Variants in MMP17 observed in about 807,000 individuals in gnomAD.
The protein encoded by MMP17 is matrix metalloproteinase-17.
In MMP17, 54 loss-of-function variants were observed where a neutral mutation model predicts 49.1. The ratio of observed to expected loss-of-function variants is 1.10; its 90% confidence interval spans 0.88 to 1.38. The LOEUF (loss-of-function observed/expected upper bound fraction) is 1.38, where lower values mean the gene tolerates loss of function less well. Ranked by LOEUF, MMP17 falls within the 40% of genes most tolerant of loss-of-function variation. MMP17 has a pLI of 0.00. For synonymous variants in MMP17, 397 were observed against 383.1 expected, an observed-to-expected ratio of 1.04 and a Z score of -0.42; for missense variants, 837 against 853.7, an observed-to-expected ratio of 0.98 and a Z score of 0.24.
At position 131,840,578 on chromosome 12, in the gene MMP17, G is replaced by A. The variant is rs747858318; in HGVS notation, c.428G>A (p.Arg143Gln). ...WNKRNLSWRV[R>Q]TFPRDSPLGH... ...GGGCTGACCCCTGCCTGCAGGGTCC[G>A]GACGTTCCCACGGGACTCACCACTG... The change falls in exon 4 of 10, where the codon CGG becomes CAG. Residue 143 changes from arginine (R) to glutamine (Q), a missense_variant. Physicochemically the swap from Arg to Gln is conservative, Grantham distance 43. Transcript: ENST00000360564. 38 of 1,587,140 alleles carry A rather than the reference G, an allele frequency of 2.4e-5. No homozygotes were observed. The highest frequency in any genetic ancestry group is 4.0e-5 in the African/African-American group (3 of 74,648).
At chr12:131,847,594 C>T (rs1158735049) in intron 8 of MMP17, among the ~76,000 whole-genome samples, 2 of 152,274 alleles carry the variant, frequency 1.3e-5, no homozygotes, top group African/African-American at 4.8e-5. Context: ...CCCTGCCTTG[C>T]ACACATTAGA....
rs145985637 is a variant in MMP17, at chr12:131,847,968, C to T, written c.1205-1834C>T. Among the ~76,000 whole-genome samples, 1,438 of 152,358 alleles carry T rather than the reference C, an allele frequency of 9.4e-3. 28 individuals are homozygous for T. The highest frequency in any genetic ancestry group is 0.031 in the African/African-American group (1,308 of 41,584). On this transcript the variant is annotated intron_variant, in intron 8 of 9. Coordinates refer to ENST00000360564, the MANE Select transcript of MMP17 (RefSeq NM_016155.7). ...TGCTCAGCCATAGCAGGGCAGGGCCCATTGGTCCTCCCATCATCTCCTTAA... is the reference window on the plus strand; with the variant it reads ...TGCTCAGCCATAGCAGGGCAGGGCCTATTGGTCCTCCCATCATCTCCTTAA...
At chr12:131,830,389 C>G (rs1408471606) in intron 1 of MMP17, among the ~76,000 whole-genome samples, 2 of 152,232 alleles carry the variant, frequency 1.3e-5, no homozygotes, top group Admixed American at 6.5e-5. Context: ...CGGTGTCCAG[C>G]CGGAGAGGGA....
At chr12:131,834,873 C>A (rs1315903992) in intron 1 of MMP17, among the ~76,000 whole-genome samples, 3 of 152,138 alleles carry the variant, frequency 2.0e-5, no homozygotes, top group African/African-American at 7.2e-5. Context: ...CTGCCTGCCG[C>A]CTCTTCCCTG....
In MMP17 at chr12:131,843,267, C is replaced by CTTTT. The variant is rs55938259; in HGVS notation, c.884-709_884-706dup. Reference sequence around the variant, plus strand: ...AGGCGTGAGCCACCGCACCTGGCCTCTTTTTTTTTTTTTTTTTTTTTTTTA... The same window carrying CTTTT: ...AGGCGTGAGCCACCGCACCTGGCCTCTTTTTTTTTTTTTTTTTTTTTTTTTTTTA... On this transcript the variant is annotated intron_variant, in intron 5 of 9. Transcript: ENST00000360564. Among the ~76,000 whole-genome samples, 27 of 107,974 alleles carry CTTTT rather than the reference C, an allele frequency of 2.5e-4. 1 individual carries two copies. The highest frequency in any genetic ancestry group is 9.1e-4 in the African/African-American group (23 of 25,184). The allele number at this position is 107,974 out of a possible 152,430, so 70.8% of individuals were successfully genotyped here. A position where few individuals can be genotyped will look rare whatever the true frequency, so the allele number is the denominator to read the frequency against.
chr12:131,833,572 T>A (rs1458304894), intron 1 of MMP17, among the ~76,000 whole-genome samples: 1 of 152,196 alleles, frequency 6.6e-6, no homozygotes. Flanking sequence ...GGGTCAGACG[T>A]GGTTGCTGGG....
chr12:131,851,307 G>T lies in MMP17; in HGVS notation c.*33G>T, dbSNP rs571678418. The T allele has an allele frequency of 3.0e-6, 4 of 1,353,806 alleles. No individual in the cohort carries two copies. The highest frequency in any genetic ancestry group is 1.8e-5 in the South Asian group (1 of 55,850). 83.9% of individuals were successfully genotyped at this position (1,353,806 alleles called of 1,614,324 possible). A position where few individuals can be genotyped will look rare whatever the true frequency, so the allele number is the denominator to read the frequency against. On this transcript the variant is annotated 3_prime_UTR_variant, in exon 10 of 10. Transcript: ENST00000360564. The stretch of plus-strand genomic sequence containing the variant: ...CGCGAGCCCATGAGAGGACAGAGGC[G>T]GTGGGACAGCCTGGCCACAGAGGGC...
At position 131,851,508 on chromosome 12, in the gene MMP17, C is replaced by T; in HGVS notation, c.*234C>T. The T allele has an allele frequency of 2.5e-6, 1 of 403,600 alleles. No individual in the cohort carries two copies. The highest frequency in any genetic ancestry group is 3.6e-5 in the East Asian group (1 of 27,924). 25.0% of individuals were successfully genotyped at this position (403,600 alleles called of 1,614,324 possible). On this transcript the variant is annotated 3_prime_UTR_variant, in exon 10 of 10. Transcript: ENST00000360564. ...TGACTGACGAGCCGAGGGGTGGCCG[C>T]TCCAGAAGGGTGCCCAGTCAGGCCG...
intron 2 of MMP17, 30 bp downstream of exon 2, chr12:131,838,357 C>T (rs377047417): frequency 1.9e-5 from 30 of 1,607,694 alleles, no homozygotes; most frequent in Non-Finnish European, 2.3e-5. Context: ...GCGGGAGCGC[C>T]GTGGCCCCCG....
At position 131,846,467 on chromosome 12, in the gene MMP17, C is replaced by G. The variant is rs1162948805; in HGVS notation, c.1204+1018C>G. Among the ~76,000 whole-genome samples the G allele has an allele frequency of 6.6e-6, 1 of 152,136 alleles. No homozygotes were observed. Among genetic ancestry groups the G allele is most frequent in the African/African-American group, 2.4e-5 (1 of 41,412 alleles). On this transcript the variant is annotated intron_variant, in intron 8 of 9. Transcript: ENST00000360564. This position sits in a 1 kb window ranked among gnomAD's most constrained non-coding sequence, Gnocchi z 4.6. ...TCTCAGCTCACTGCAACCTTCACCT[C>G]CCAGGTTGCAATTCTCCTGCCTCAG... is the stretch of plus-strand genomic sequence containing the variant.
Position 131,840,668 on chromosome 12 carries a change from T to C in MMP17, c.518T>C (p.Leu173Pro). 6.2e-7 allele frequency: 1 copy of C among 1,608,486 alleles called. No homozygotes were observed. The highest frequency in any genetic ancestry group is 8.5e-7 in the Non-Finnish European group (1 of 1,179,952). Residue 173 changes from leucine (L) to proline (P), a missense_variant, in exon 4 of 10, where the codon CTG becomes CCG. Leu to Pro is a moderately conservative substitution (Grantham distance 98, BLOSUM62 -3). Coordinates refer to ENST00000360564, the MANE Select transcript of MMP17 (RefSeq NM_016155.7). ...AAGGTCTGGAGCGACATTGCGCCCC[T>C]GAACTTCCACGAGGTGGCGGGCAGC... ...ALKVWSDIAPLNFHEVAGSAA... is the reference protein window; with the variant it reads ...ALKVWSDIAPPNFHEVAGSAA...
chr12:131,830,640 C>A (rs1886744033), intron 1 of MMP17, among the ~76,000 whole-genome samples: 1 of 152,226 alleles, frequency 6.6e-6, no homozygotes, highest in South Asian at 2.1e-4. Flanking sequence ...TCGCCGGAGG[C>A]GCTCCCGGAG....
At chr12:131,838,846 G>T (rs1472665170) in intron 3 of MMP17, 105 bp downstream of exon 3, 2 of 1,373,472 alleles carry the variant, frequency 1.5e-6, no homozygotes, top group Admixed American at 2.4e-5. Context: ...CCAGGGTGGG[G>T]AACGGGGTCT....
At chr12:131,832,372 G>T (rs1337345868) in intron 1 of MMP17, among the ~76,000 whole-genome samples, 1 of 123,142 alleles carries the variant, frequency 8.1e-6, no homozygotes, top group Non-Finnish European at 1.7e-5. Context: ...AGGCTGGAGA[G>T]GATCTTGTGG....
In MMP17 at chr12:131,831,527, C is replaced by T. The variant is rs1224053827; in HGVS notation, c.159+2874C>T. Among the ~76,000 whole-genome samples, 3 of 151,934 alleles carry T rather than the reference C, an allele frequency of 2.0e-5. No individual in the cohort carries two copies. In the East Asian group the frequency reaches 5.9e-4, roughly 30 times the overall value. The stretch of plus-strand genomic sequence containing the variant: ...GGTGTCCCCTCTCACCCTGCAGCTG[C>T]TCCCAGAGCTTCAGGCGAGCACCCC... On this transcript the variant is annotated intron_variant, in intron 1 of 9. Transcript: ENST00000360564.
intron 5 of MMP17, among the ~76,000 whole-genome samples, chr12:131,843,004 C>CT (rs1182954787): frequency 6.6e-5 from 10 of 150,860 alleles, no homozygotes; most frequent in South Asian, 2.1e-4. Flanking sequence ...GTGTCTGGCT[C>CT]TTTTTTTTTG....
At chr12:131,847,007 G>T (rs997220571) in intron 8 of MMP17, among the ~76,000 whole-genome samples, 11 of 152,104 alleles carry the variant, frequency 7.2e-5, no homozygotes, top group African/African-American at 2.7e-4. Flanking sequence ...CAGCTACCTG[G>T]GAGGCTGAGG....
At chr12:131,842,303 C>T (rs114085704) in intron 5 of MMP17, among the ~76,000 whole-genome samples, 170 of 152,202 alleles carry the variant, frequency 1.1e-3, no homozygotes, top group African/African-American at 4.0e-3. Context: ...CATCAGAGGC[C>T]GACGCGGTCA....
At chr12:131,849,756 G>A (rs542923780) in intron 8 of MMP17, 46 bp from the exon 9 acceptor site, 23 of 1,571,698 alleles carry the variant, frequency 1.5e-5, no homozygotes, top group African/African-American at 2.7e-5. Context: ...CCTGCCCTTC[G>A]GGGTGGGGCC....
Sources: allele counts gnomAD v4.1 joint callset (sites outside exome capture counted in the v4.1 genomes callset), GRCh38; gene constraint gnomAD v4.1.1; non-coding constraint Gnocchi (gnomAD v3.1); transcripts MANE v1.5; gene names NCBI Gene and HGNC (gene_info 2026-07-23, HGNC 2026-07-21).